EPB41L3: variants seen among roughly 807,000 people sequenced by gnomAD.
The protein encoded by EPB41L3 is band 4.1-like protein 3.
In EPB41L3, 57 loss-of-function variants were observed where a neutral mutation model predicts 127.1. The ratio of observed to expected loss-of-function variants is 0.45; its 90% confidence interval spans 0.36 to 0.56. The LOEUF (loss-of-function observed/expected upper bound fraction) is 0.56, where lower values mean the gene tolerates loss of function less well. EPB41L3 is among the 20% of genes least tolerant of loss of function. The pLI is 0.00. For missense variants in EPB41L3, 1,273 were observed against 1,372.2 expected (o/e 0.93, Z 1.14); for synonymous variants, 572 against 549.5 (o/e 1.04, Z -0.57).
chr18:5,503,343 G>A (rs2091899909), intron 1 of EPB41L3, among the ~76,000 whole-genome samples: 1 of 152,186 alleles, frequency 6.6e-6, no homozygotes, highest in Non-Finnish European at 1.5e-5. Flanking sequence ...TGCAGAGGAT[G>A]AAACTCAGAC....
intron 1 of EPB41L3, among the ~76,000 whole-genome samples, chr18:5,496,102 GA>G (rs77022307): frequency 6.6e-6 from 1 of 152,010 alleles, no homozygotes; most frequent in Non-Finnish European, 1.5e-5. Flanking sequence ...TGAAAAAGTT[GA>G]AAAAAACACT....
intron 3 of EPB41L3, among the ~76,000 whole-genome samples, chr18:5,556,571 C>A (rs1370231611): frequency 2.6e-5 from 4 of 152,166 alleles, no homozygotes; most frequent in African/African-American, 9.7e-5. Context: ...TCCCTGGATG[C>A]CAGTGATTAA....
At chr18:5,547,483 C>A (rs187110409), upstream of EPB41L3, among the ~76,000 whole-genome samples, 1 of 152,296 alleles carries the variant, frequency 6.6e-6, no homozygotes, top group East Asian at 1.9e-4. Context: ...AGGAAAGATT[C>A]CATGACTCTA....
intron 3 of EPB41L3, among the ~76,000 whole-genome samples, chr18:5,595,237 G>T (rs909858031): frequency 1.3e-5 from 2 of 152,188 alleles, no homozygotes; most frequent in African/African-American, 4.8e-5. Context: ...CTAAAGCAGA[G>T]AATTGACAAC....
At chr18:5,464,896 G>C (rs2084684707) in intron 3 of EPB41L3, among the ~76,000 whole-genome samples, 1 of 152,176 alleles carries the variant, frequency 6.6e-6, no homozygotes, top group Non-Finnish European at 1.5e-5. Context: ...TTCTTTAATA[G>C]ACTTTCCCAC....
At chr18:5,453,805 C>T (rs2082622658) in intron 3 of EPB41L3, among the ~76,000 whole-genome samples, 1 of 152,156 alleles carries the variant, frequency 6.6e-6, no homozygotes, top group Non-Finnish European at 1.5e-5. Context: ...AGCAGGCATT[C>T]GATCTATGTG....
intron 3 of EPB41L3, among the ~76,000 whole-genome samples, chr18:5,595,186 C>T (rs1439251763): frequency 6.6e-6 from 1 of 152,150 alleles, no homozygotes; most frequent in Admixed American, 6.5e-5. Context: ...CCAATACCCT[C>T]CATTGAAAGA....
At chr18:5,499,829 G>GTGTATATATATATATATATATATA (rs563662904) in intron 1 of EPB41L3, among the ~76,000 whole-genome samples, 3 of 124,658 alleles carry the variant, frequency 2.4e-5, no homozygotes, top group African/African-American at 9.3e-5. Context: ...CTATGTGTGT[G>GTGTATATATATATATATATATATA]TATATATATA....
At chr18:5,545,407 A>G (rs1246234893), upstream of EPB41L3, among the ~76,000 whole-genome samples, 3 of 152,098 alleles carry the variant, frequency 2.0e-5, no homozygotes, top group Non-Finnish European at 4.4e-5. Flanking sequence ...ACGTGGGGAG[A>G]CTTGGCGCAG....
intron 3 of EPB41L3, among the ~76,000 whole-genome samples, chr18:5,561,889 T>C (rs1476041550): frequency 1.3e-5 from 2 of 152,220 alleles, no homozygotes; most frequent in Non-Finnish European, 2.9e-5. Context: ...TTTCCCAAGA[T>C]GCATACCCTC....
intron 3 of EPB41L3, chr18:5,577,373 G>T (rs1032615196): frequency 2.2e-6 from 1 of 453,522 alleles, no homozygotes; most frequent in Non-Finnish European, 4.4e-6. Flanking sequence ...AGAGACAGAT[G>T]AAAGATGGCA....
chr18:5,410,688 C>A (rs1488206415), intron 13 of EPB41L3, 69 bp from the exon 14 acceptor site: 3 of 1,247,460 alleles, frequency 2.4e-6, no homozygotes, highest in African/African-American at 2.9e-5. Context: ...TCTGGTTAAA[C>A]ACGCTCTGGC....
At chr18:5,497,254 G>A (rs1295342911) in intron 1 of EPB41L3, among the ~76,000 whole-genome samples, 2 of 152,182 alleles carry the variant, frequency 1.3e-5, no homozygotes, top group Non-Finnish European at 2.9e-5. Flanking sequence ...ATGCAGTGGA[G>A]CATTCTGAGG....
At chr18:5,537,270 CAAAT>C (rs1472949651) in intron 1 of EPB41L3, among the ~76,000 whole-genome samples, 1 of 152,104 alleles carries the variant, frequency 6.6e-6, no homozygotes, top group Non-Finnish European at 1.5e-5. Flanking sequence ...TTTAATATCT[CAAAT>C]AACTGAGATA....
chr18:5,624,716 C>T (rs911076477), intron 1 of EPB41L3, among the ~76,000 whole-genome samples: 1 of 152,152 alleles, frequency 6.6e-6, no homozygotes, highest in Non-Finnish European at 1.5e-5. Context: ...TGACAAGTTA[C>T]CGTGGAGCCC....
intron 1 of EPB41L3, among the ~76,000 whole-genome samples, chr18:5,538,812 G>C (rs1299338510): frequency 6.6e-6 from 1 of 152,016 alleles, no homozygotes; most frequent in Non-Finnish European, 1.5e-5. Flanking sequence ...TTTTCTCTTG[G>C]TACCTGCAGA....
chr18:5,438,064 G>A lies in EPB41L3; in HGVS notation c.576C>T (p.Asp192=). 1 of 1,613,894 alleles carries A rather than the reference G, an allele frequency of 6.2e-7. No homozygotes were observed. The highest frequency in any genetic ancestry group is 8.5e-7 in the Non-Finnish European group (1 of 1,179,938). The change falls in exon 6 of 23, where the codon GAC becomes GAT. Residue 192 remains aspartate (D), a synonymous_variant. Transcript: ENST00000341928. ...TGATATCTTCAGATAGTTGGGCAGG[G>A]TCTGGTGGATAAAATTTCACATTAA... The part of the protein sequence containing the change: ...FSFNVKFYPP[D]PAQLSEDITR...
chr18:5,499,551 C>T (rs2091530055), intron 1 of EPB41L3, among the ~76,000 whole-genome samples: 1 of 151,904 alleles, frequency 6.6e-6, no homozygotes. Context: ...ATCACGAGGT[C>T]AGGAGATCAA....
chr18:5,543,698 C>G lies in EPB41L3; in HGVS notation c.-12+215G>C, dbSNP rs2093814862. Among the ~76,000 whole-genome samples, 1 of 145,428 alleles carries G rather than the reference C, an allele frequency of 6.9e-6. No homozygotes were observed. The highest frequency in any genetic ancestry group is 6.8e-5 in the Admixed American group (1 of 14,774). On this transcript the variant is annotated intron_variant, in intron 1 of 22. Coordinates refer to ENST00000341928, the MANE Select transcript of EPB41L3 (RefSeq NM_012307.5). The surrounding 1 kb of genome is among the most constrained non-coding windows in gnomAD (Gnocchi z 5.2). Reference sequence around the variant, plus strand: ...GCGGGCGGGGGGCGCGGCGCGCAGGCTCGGCCCGGTGGGGGTCCCGGCGAG... The same window carrying G: ...GCGGGCGGGGGGCGCGGCGCGCAGGGTCGGCCCGGTGGGGGTCCCGGCGAG...
Sources: allele counts gnomAD v4.1 joint callset (sites outside exome capture counted in the v4.1 genomes callset), GRCh38; gene constraint gnomAD v4.1.1; non-coding constraint Gnocchi (gnomAD v3.1); transcripts MANE v1.5; gene names NCBI Gene and HGNC (gene_info 2026-07-23, HGNC 2026-07-21).